Variants in MOV10L1 observed in about 807,000 individuals in gnomAD.
The protein encoded by MOV10L1 is RNA helicase Mov10l1.
In MOV10L1, 110 loss-of-function variants were observed where a neutral mutation model predicts 143.8. That is an observed-to-expected ratio of 0.76 (90% CI 0.66 to 0.90). The LOEUF (loss-of-function observed/expected upper bound fraction) is 0.90. Ranked by LOEUF, MOV10L1 falls within the 40% of genes least tolerant of loss-of-function variation. The pLI is 0.00. For missense variants in MOV10L1, 1,406 were observed against 1,526.8 expected, an observed-to-expected ratio of 0.92 and a Z score of 1.32; for synonymous variants, 593 against 581.1, an observed-to-expected ratio of 1.02 and a Z score of -0.29.
intron 22 of MOV10L1, among the ~76,000 whole-genome samples, chr22:50,156,376 A>G: frequency 6.6e-6 from 1 of 152,160 alleles, no homozygotes; most frequent in Non-Finnish European, 1.5e-5. Flanking sequence ...TCGGCCTCCC[A>G]AAGTGCTGGG....
At position 50,152,169 on chromosome 22, in the gene MOV10L1, C is replaced by T. The variant is rs967832839; in HGVS notation, c.2893-876C>T. Among the ~76,000 whole-genome samples the T allele has an allele frequency of 8.5e-5, 13 of 152,238 alleles. No homozygotes were observed. Among genetic ancestry groups the T allele is most frequent in the African/African-American group, 3.1e-4 (13 of 41,464 alleles). The stretch of plus-strand genomic sequence containing the variant: ...AGCACTGCAGGAACACAGGTTTTCA[C>T]CAACAGGGGCTTTGTTAACTCATCC... On this transcript the variant is annotated intron_variant, in intron 21 of 26. Transcript: ENST00000262794. The surrounding 1 kb of genome is among the most constrained non-coding windows in gnomAD (Gnocchi z 4.4).
Position 50,158,004 on chromosome 22 carries a change from C to T in MOV10L1, c.3067-53C>T, listed in dbSNP as rs2063469749. On this transcript the variant is annotated intron_variant, in intron 22 of 26. Coordinates refer to ENST00000262794, the MANE Select transcript of MOV10L1 (RefSeq NM_018995.3). The surrounding 1 kb of genome is among the most constrained non-coding windows in gnomAD (Gnocchi z 5.0). Reference sequence around the variant, plus strand: ...CCGACTTCAGCTCCTGGATTGTAGCCTTCTGGTGAATATTCATGAAGTAAA... The same window carrying T: ...CCGACTTCAGCTCCTGGATTGTAGCTTTCTGGTGAATATTCATGAAGTAAA... 6 of 1,572,742 alleles carry T rather than the reference C, an allele frequency of 3.8e-6. No homozygotes were observed. In the South Asian group the frequency reaches 4.7e-5, roughly 12 times the overall value.
chr22:50,104,701 A>T (rs1470892899), intron 3 of MOV10L1, among the ~76,000 whole-genome samples: 1 of 152,202 alleles, frequency 6.6e-6, no homozygotes, highest in African/African-American at 2.4e-5. Flanking sequence ...TTATCTGGAC[A>T]TTATATTCTT....
At chr22:50,146,699 C>CGGTGGTCGTGAGGGTGACCACAGGA (rs2063161539) in intron 19 of MOV10L1, among the ~76,000 whole-genome samples, 1 of 152,088 alleles carries the variant, frequency 6.6e-6, no homozygotes, top group African/African-American at 2.4e-5. Context: ...TCCAGCGTCA[C>CGGTGGTCGTGAGGGTGACCACAGGA]GGTGGTCGTG....
chr22:50,136,752 T>C (rs2062832008), intron 15 of MOV10L1, among the ~76,000 whole-genome samples: 1 of 152,128 alleles, frequency 6.6e-6, no homozygotes, highest in East Asian at 1.9e-4. Flanking sequence ...CCTACAGAGA[T>C]TCCTTCTTGA....
chr22:50,122,731 CTTT>C (rs1232594983), intron 10 of MOV10L1, among the ~76,000 whole-genome samples: 11 of 41,770 alleles, frequency 2.6e-4, no homozygotes, highest in Non-Finnish European at 1.5e-4. Flanking sequence ...GGTTTTCTTT[CTTT>C]CTTTCTTTCT....
At chr22:50,137,735 TATTTTATATATATACATATATAAATATAC>T (rs2062860123) in intron 15 of MOV10L1, among the ~76,000 whole-genome samples, 2 of 111,542 alleles carry the variant, frequency 1.8e-5, no homozygotes, top group African/African-American at 5.3e-5. Context: ...CACATATATA[TATTTTATATATATACATATATAAATATAC>T]ATATTTTATA....
At chr22:50,114,330 T>G in intron 6 of MOV10L1, 51 bp from the exon 7 acceptor site, 1 of 1,590,104 alleles carries the variant, frequency 6.3e-7, no homozygotes, top group Non-Finnish European at 8.6e-7. Context: ...TAACTGAATA[T>G]TTTGGTTTTA....
At chr22:50,132,470 C>G (rs1470461461) in intron 13 of MOV10L1, among the ~76,000 whole-genome samples, 1 of 152,116 alleles carries the variant, frequency 6.6e-6, no homozygotes, top group African/African-American at 2.4e-5. Context: ...TTATTTGCAT[C>G]TGTTTTCATT....
At chr22:50,095,129 A>T (rs1386589234) in intron 2 of MOV10L1, 1 of 152,220 alleles carries the variant, frequency 6.6e-6, no homozygotes, top group Non-Finnish European at 1.5e-5. Context: ...GGCAGCACAC[A>T]TAGAGAACAT....
intron 2 of MOV10L1, chr22:50,093,099 C>A (rs1027471180): frequency 1.3e-5 from 2 of 152,230 alleles, no homozygotes; most frequent in Non-Finnish European, 2.9e-5. Flanking sequence ...GACGGGGTTT[C>A]ACCGTGTTAG....
In MOV10L1 at chr22:50,161,504, T is replaced by TA. The variant is rs1272158573; in HGVS notation, c.*56dup. 9 of 1,510,994 alleles carry TA rather than the reference T, an allele frequency of 6.0e-6. No individual in the cohort carries two copies. The Admixed American group carries it at 8.0e-5, about 13-fold the overall frequency. 93.6% of individuals were successfully genotyped at this position (1,510,994 alleles called of 1,614,324 possible). A position where few individuals can be genotyped will look rare whatever the true frequency, so the allele number is the denominator to read the frequency against. On this transcript the variant is annotated 3_prime_UTR_variant, in exon 27 of 27. Transcript: ENST00000262794. ...GTGCTCAGCCTGGCCACGTTGCCGTTACAGTCTGCTCCGTGGCTCCTGTGG... is the reference window on the plus strand; with the variant it reads ...GTGCTCAGCCTGGCCACGTTGCCGTTAACAGTCTGCTCCGTGGCTCCTGTGG...
intron 21 of MOV10L1, among the ~76,000 whole-genome samples, chr22:50,151,178 C>T (rs1273280581): frequency 1.3e-5 from 2 of 152,194 alleles, no homozygotes; most frequent in Non-Finnish European, 2.9e-5. Flanking sequence ...AAAAGCCTGC[C>T]CTAGAGTGAC....
chr22:50,107,147 T>A (rs563090239), intron 3 of MOV10L1, among the ~76,000 whole-genome samples: 6 of 151,278 alleles, frequency 4.0e-5, no homozygotes, highest in African/African-American at 1.5e-4. Context: ...TGATCTCAGC[T>A]CACTGCAAAC....
At position 50,142,171 on chromosome 22, in the gene MOV10L1, G is replaced by T; in HGVS notation, c.2161G>T (p.Ala721Ser). The change falls in exon 16 of 27, where the codon GCA becomes TCA. Residue 721 changes from alanine (A) to serine (S), a missense_variant. Ala to Ser is a moderately conservative substitution (Grantham distance 99). Coordinates refer to ENST00000262794, the MANE Select transcript of MOV10L1 (RefSeq NM_018995.3). ...KDLPVLAPFT[A>S]EMSDWVDEIQ... ...CCTGCCGGTGCTGGCACCCTTTACT[G>T]CAGAGATGAGCGATTGGGGTATGTG... 6.2e-7 allele frequency: 1 copy of T among 1,612,752 alleles called. No individual in the cohort carries two copies. Among genetic ancestry groups the T allele is most frequent in the South Asian group, 1.1e-5 (1 of 90,924 alleles).
At chr22:50,129,882 A>G (rs1038046070) in intron 13 of MOV10L1, among the ~76,000 whole-genome samples, 1 of 152,012 alleles carries the variant, frequency 6.6e-6, no homozygotes, top group Non-Finnish European at 1.5e-5. Flanking sequence ...TTATTGAGTA[A>G]TTTATCCAAT....
At chr22:50,139,956 C>T (rs538394691) in intron 15 of MOV10L1, among the ~76,000 whole-genome samples, 9 of 152,250 alleles carry the variant, frequency 5.9e-5, no homozygotes, top group East Asian at 1.9e-4. Flanking sequence ...AGAAGCTGGA[C>T]GCGCACCTGC....
rs35222089 is a variant in MOV10L1, at chr22:50,159,601, C to CAA, written c.3217-66_3217-65dup. The stretch of plus-strand genomic sequence containing the variant: ...TGGGTGACAGAGTAATACTCCATCT[C>CAA]AAAAAAAAAAAAGGAAAAGAAAAGA... On this transcript the variant is annotated intron_variant, in intron 23 of 26. Coordinates refer to ENST00000262794, the MANE Select transcript of MOV10L1 (RefSeq NM_018995.3). The surrounding 1 kb of genome is among the most constrained non-coding windows in gnomAD (Gnocchi z 4.1). 4.0e-3 allele frequency: 3,275 copies of CAA among 829,080 alleles called. No homozygotes were observed. The highest frequency in any genetic ancestry group is 0.011 in the East Asian group (347 of 31,660). 51.4% of individuals were successfully genotyped at this position (829,080 alleles called of 1,614,324 possible).
intron 8 of MOV10L1, 32 bp from the exon 9 acceptor site, chr22:50,117,125 C>G (rs768735690): frequency 5.7e-6 from 9 of 1,581,536 alleles, no homozygotes; most frequent in Non-Finnish European, 6.0e-6. Context: ...TTATTTATGA[C>G]TAAAACTAAA....
Sources: gnomAD v4.1 joint callset for allele counts (sites outside exome capture counted in the v4.1 genomes callset) on GRCh38, gnomAD v4.1.1 for gene constraint, Gnocchi (gnomAD v3.1) non-coding constraint, MANE v1.5 for transcripts, NCBI Gene and HGNC (gene_info 2026-07-23, HGNC 2026-07-21) for gene names.